Variants in ASCC3 observed in about 807,000 individuals in gnomAD.
The protein encoded by ASCC3 is ASC-1 complex subunit P200.
A neutral mutation model predicts 256.3 loss-of-function variants in ASCC3; 158 were observed. The ratio of observed to expected loss-of-function variants is 0.62; its 90% CI spans 0.54 to 0.70. ASCC3 has a LOEUF of 0.70. Among genes scored for constraint, ASCC3 ranks in the 30% least tolerant of loss-of-function variants. The pLI, the probability that ASCC3 is intolerant of heterozygous loss-of-function variation, is 0.00. For synonymous variants in ASCC3, 948 were observed against 883.4 expected (o/e 1.07, Z -1.30); for missense variants, 2,259 against 2,626.0 (o/e 0.86, Z 3.05).
At chr6:100,512,503 T>C (rs893625126) in intron 40 of ASCC3, among the ~76,000 whole-genome samples, 1 of 152,176 alleles carries the variant, frequency 6.6e-6, no homozygotes, top group Non-Finnish European at 1.5e-5. Flanking sequence ...CAATATATTC[T>C]TATGTAAGGT....
intron 10 of ASCC3, among the ~76,000 whole-genome samples, chr6:100,747,883 A>G (rs1780760018): frequency 6.6e-6 from 1 of 152,074 alleles, no homozygotes; most frequent in Non-Finnish European, 1.5e-5. Flanking sequence ...AAGATCAACC[A>G]GTATACCTGC....
chr6:100,798,552 A>AT (rs1159310438), intron 8 of ASCC3, among the ~76,000 whole-genome samples, 161 bp downstream of exon 8: 2 of 152,110 alleles, frequency 1.3e-5, no homozygotes, highest in Admixed American at 1.3e-4. Context: ...TAGTGTATAT[A>AT]TTTTTTAAAC....
At chr6:100,771,306 G>A (rs1781906800) in intron 8 of ASCC3, among the ~76,000 whole-genome samples, 2 of 152,200 alleles carry the variant, frequency 1.3e-5, no homozygotes, top group Middle Eastern at 3.4e-3. Flanking sequence ...TGAATGTAAA[G>A]CCTGACAGTA....
At chr6:100,715,342 T>C in intron 13 of ASCC3, 120 bp downstream of exon 13, 1 of 784,336 alleles carries the variant, frequency 1.3e-6, no homozygotes, top group Middle Eastern at 3.6e-4. Flanking sequence ...AACCTCTGAG[T>C]CATTGCCTCA....
At chr6:100,535,773 G>A (rs1775131477) in intron 37 of ASCC3, among the ~76,000 whole-genome samples, 2 of 152,050 alleles carry the variant, frequency 1.3e-5, no homozygotes, top group Admixed American at 6.6e-5. Context: ...AGCAGAAGCT[G>A]GTTTTCATCT....
At chr6:100,829,114 T>C (rs922812367) in intron 4 of ASCC3, among the ~76,000 whole-genome samples, 1 of 152,024 alleles carries the variant, frequency 6.6e-6, no homozygotes, top group African/African-American at 2.4e-5. Flanking sequence ...ATCCCTTAGC[T>C]AGATATAAAG....
intron 3 of ASCC3, among the ~76,000 whole-genome samples, chr6:100,852,618 C>T (rs1053090437): frequency 2.6e-5 from 4 of 152,096 alleles, no homozygotes; most frequent in African/African-American, 9.7e-5. Context: ...CTGTGGTCAC[C>T]TTTCAAAGAG....
intron 14 of ASCC3, among the ~76,000 whole-genome samples, chr6:100,674,014 C>A (rs912896805): frequency 2.6e-5 from 4 of 152,258 alleles, no homozygotes; most frequent in Non-Finnish European, 5.9e-5. Context: ...TTCTCTTTTA[C>A]ATTTCCTCTG....
At chr6:100,869,771 C>A (rs1773645747) in intron 1 of ASCC3, among the ~76,000 whole-genome samples, 1 of 152,042 alleles carries the variant, frequency 6.6e-6, no homozygotes, top group South Asian at 2.1e-4. Context: ...TAGTGCTACA[C>A]TGAAAACATA....
intron 37 of ASCC3, among the ~76,000 whole-genome samples, chr6:100,533,904 G>A (rs1775034647): frequency 6.6e-6 from 1 of 152,172 alleles, no homozygotes; most frequent in South Asian, 2.1e-4. Context: ...TCTCCATTTG[G>A]TTTCAGCACA....
intron 30 of ASCC3, 105 bp from the exon 31 acceptor site, chr6:100,607,193 G>A: frequency 1.6e-6 from 2 of 1,214,526 alleles, no homozygotes; most frequent in Non-Finnish European, 1.2e-6. Flanking sequence ...GTTATTATAT[G>A]GACATAAAAT....
chr6:100,614,843 AT>A (rs1773584989), intron 30 of ASCC3, among the ~76,000 whole-genome samples: 3 of 152,270 alleles, frequency 2.0e-5, no homozygotes, highest in East Asian at 1.9e-4. Context: ...TTATAAATCT[AT>A]TTTTTATTAA....
chr6:100,794,610 TC>T (rs1769513996), intron 8 of ASCC3, among the ~76,000 whole-genome samples: 1 of 152,076 alleles, frequency 6.6e-6, no homozygotes, highest in African/African-American at 2.4e-5. Flanking sequence ...AATATCCTAT[TC>T]TTTATTTTCC....
intron 10 of ASCC3, among the ~76,000 whole-genome samples, chr6:100,743,242 A>G (rs144060091): frequency 6.6e-6 from 1 of 152,194 alleles, no homozygotes; most frequent in African/African-American, 2.4e-5. Context: ...GCTTTTCTTC[A>G]TTATCCATGG....
intron 13 of ASCC3, among the ~76,000 whole-genome samples, chr6:100,695,833 G>A (rs770602253): frequency 1.7e-4 from 26 of 152,170 alleles, no homozygotes; most frequent in Non-Finnish European, 3.5e-4. Flanking sequence ...TGCACATGCA[G>A]TAGCTGGCTC....
intron 36 of ASCC3, among the ~76,000 whole-genome samples, chr6:100,553,077 T>C (rs1383594227): frequency 6.6e-6 from 1 of 152,092 alleles, no homozygotes; most frequent in Non-Finnish European, 1.5e-5. Context: ...ATGACATGCT[T>C]GCTTCACCAC....
At chr6:100,719,940 T>G (rs1490219526) in intron 11 of ASCC3, among the ~76,000 whole-genome samples, 1 of 151,920 alleles carries the variant, frequency 6.6e-6, no homozygotes. Context: ...CTCCCAATCA[T>G]GCCAAGTGTA....
At chr6:100,750,371 G>C (rs184541588) in intron 10 of ASCC3, among the ~76,000 whole-genome samples, 1 of 151,974 alleles carries the variant, frequency 6.6e-6, no homozygotes, top group Non-Finnish European at 1.5e-5. Context: ...GGATGCCTTA[G>C]GAGAAGAAAT....
chr6:100,764,326 G>C (rs1039680262), intron 10 of ASCC3, among the ~76,000 whole-genome samples: 1 of 152,158 alleles, frequency 6.6e-6, no homozygotes, highest in Non-Finnish European at 1.5e-5. Flanking sequence ...GAATGGGCAA[G>C]ATTTGGACAA....
Sources: gnomAD v4.1 joint callset for allele counts (sites outside exome capture counted in the v4.1 genomes callset) on GRCh38, gnomAD v4.1.1 for gene constraint, MANE v1.5 for transcripts, NCBI Gene and HGNC (gene_info 2026-07-23, HGNC 2026-07-21) for gene names.